PTPRC: variants seen among roughly 807,000 people sequenced by gnomAD.
PTPRC encodes the protein protein tyrosine phosphatase receptor type C.
In PTPRC, 44 loss-of-function variants were observed where a neutral mutation model predicts 155.9. That is an observed-to-expected ratio of 0.28 (90% CI 0.22 to 0.36). The LOEUF is 0.36. PTPRC is among the 10% of genes least tolerant of loss of function. PTPRC has a pLI of 1.00. For synonymous variants in PTPRC, 525 were observed against 533.1 expected (o/e 0.98, Z 0.21); for missense variants, 1,401 against 1,564.6 (o/e 0.90, Z 1.76).
rs555845592 is a variant in PTPRC at position 198,671,646 on chromosome 1, T to C, written c.74-20701T>C. Among the ~76,000 whole-genome samples, 9 of 152,324 alleles carry C rather than the reference T, an allele frequency of 5.9e-5. No homozygotes were observed. In the South Asian group the frequency reaches 1.9e-3, roughly 32 times the overall value. On this transcript the variant is annotated intron_variant, in intron 2 of 32. Coordinates refer to ENST00000442510, the MANE Select transcript of PTPRC (RefSeq NM_002838.5). ...TTTCTCCAACTATGCACTAGACACT[T>C]CCAACTAGTATCCCACTGGTATCTC...
At chr1:198,750,859 A>C (rs6413512) in intron 29 of PTPRC, among the ~76,000 whole-genome samples, 18 of 151,996 alleles carry the variant, frequency 1.2e-4, no homozygotes, top group Non-Finnish European at 1.8e-4. Flanking sequence ...CTCACAGATT[A>C]GCCAGGATGC....
intron 23 of PTPRC, among the ~76,000 whole-genome samples, chr1:198,738,755 T>C (rs1571883792): frequency 6.6e-6 from 1 of 151,786 alleles, no homozygotes; most frequent in East Asian, 1.9e-4. Flanking sequence ...TTTGGTAAAA[T>C]GTGGTAGTGA....
At chr1:198,730,830 C>A (rs1410361401) in intron 17 of PTPRC, among the ~76,000 whole-genome samples, 1 of 151,938 alleles carries the variant, frequency 6.6e-6, no homozygotes, top group Non-Finnish European at 1.5e-5. Flanking sequence ...TTTCCATGGG[C>A]AATAAGATAA....
At chr1:198,641,673 T>C (rs1197039465) in intron 2 of PTPRC, among the ~76,000 whole-genome samples, 3 of 151,982 alleles carry the variant, frequency 2.0e-5, no homozygotes, top group African/African-American at 4.8e-5. Flanking sequence ...TAGGGGACAA[T>C]GATGGTTTTA....
At chr1:198,726,746 T>C (rs990373827) in intron 15 of PTPRC, among the ~76,000 whole-genome samples, 3 of 152,170 alleles carry the variant, frequency 2.0e-5, no homozygotes, top group Non-Finnish European at 2.9e-5. Context: ...CCACTTGCCA[T>C]ACAGAAAATA....
chr1:198,666,476 T>C (rs1664314173), intron 2 of PTPRC, among the ~76,000 whole-genome samples: 3 of 152,036 alleles, frequency 2.0e-5, no homozygotes, highest in Non-Finnish European at 4.4e-5. Flanking sequence ...AATAAAGAAA[T>C]AATAAAAGCA....
chr1:198,694,939 G>GTTTGATGGA lies in PTPRC; in HGVS notation c.101-1769_101-1761dup, dbSNP rs1271928073. 6 of 981,100 alleles carry GTTTGATGGA rather than the reference G, an allele frequency of 6.1e-6. No homozygotes were observed. In the African/African-American group the frequency reaches 8.8e-5, roughly 14 times the overall value. The allele number at this position is 981,100 out of a possible 1,614,324, so 60.8% of individuals were successfully genotyped here. ...TGCTGGCATGTCATTATGGGTAAAAGTTTGATGGATTTATTTGTGAGTTAT... is the reference window on the plus strand; with the variant it reads ...TGCTGGCATGTCATTATGGGTAAAAGTTTGATGGATTTGATGGATTTATTTGTGAGTTAT... On this transcript the variant is annotated intron_variant, in intron 3 of 32. Transcript: ENST00000442510.
intron 21 of PTPRC, 23 bp from the exon 22 acceptor site, chr1:198,734,305 G>A (rs755169731): frequency 3.7e-6 from 6 of 1,610,340 alleles, no homozygotes; most frequent in East Asian, 2.2e-5. Flanking sequence ...TTTCTTATCA[G>A]CTTTTATTTG....
At chr1:198,716,097 T>C (rs955088915) in intron 12 of PTPRC, among the ~76,000 whole-genome samples, 1 of 152,188 alleles carries the variant, frequency 6.6e-6, no homozygotes, top group Non-Finnish European at 1.5e-5. Context: ...CTCCCTTACA[T>C]GTATTCAGTT....
At chr1:198,713,165 C>T in intron 12 of PTPRC, 93 bp downstream of exon 12, 1 of 1,565,578 alleles carries the variant, frequency 6.4e-7, no homozygotes, top group Non-Finnish European at 8.8e-7. Flanking sequence ...TCACAAAGCT[C>T]TCTGCTTAGA....
intron 23 of PTPRC, among the ~76,000 whole-genome samples, chr1:198,740,788 C>G (rs1654865223): frequency 6.6e-6 from 1 of 151,808 alleles, no homozygotes; most frequent in Non-Finnish European, 1.5e-5. Flanking sequence ...TACATGCAAC[C>G]TATCAAGATT....
chr1:198,755,802 A>G (rs1158503310), intron 32 of PTPRC, 104 bp from the exon 33 acceptor site: 30 of 1,259,940 alleles, frequency 2.4e-5, no homozygotes, highest in Non-Finnish European at 3.2e-5. Flanking sequence ...TCTGTCATCC[A>G]ATACTTCCAC....
chr1:198,749,690 T>C (rs1655294905), intron 28 of PTPRC, 141 bp downstream of exon 28: 5 of 776,486 alleles, frequency 6.4e-6, no homozygotes, highest in Admixed American at 2.5e-5. Context: ...AGAGTTTCAA[T>C]TTCAATGCTA....
intron 2 of PTPRC, among the ~76,000 whole-genome samples, chr1:198,690,513 CAAGA>C (rs1665869028): frequency 6.6e-6 from 1 of 151,368 alleles, no homozygotes. Context: ...AATGAGAAAA[CAAGA>C]AAGTCATTAT....
chr1:198,718,473 T>C (rs1653712761), intron 14 of PTPRC, among the ~76,000 whole-genome samples, 171 bp downstream of exon 14: 1 of 152,242 alleles, frequency 6.6e-6, no homozygotes. Flanking sequence ...TTTATTCCTA[T>C]AGCTCAAGTC....
intron 2 of PTPRC, among the ~76,000 whole-genome samples, chr1:198,678,824 TC>T (rs150806965): frequency 0.04 from 6,068 of 151,812 alleles, 383 homozygotes; most frequent in African/African-American, 0.13. Context: ...GGTCTTTTTT[TC>T]CCCCCCAGTT....
intron 2 of PTPRC, among the ~76,000 whole-genome samples, chr1:198,654,620 T>C (rs1287128835): frequency 6.6e-6 from 1 of 151,716 alleles, no homozygotes; most frequent in Non-Finnish European, 1.5e-5. Flanking sequence ...GGCCCCTCCC[T>C]CCCCTTAAAT....
Position 198,720,146 on chromosome 1 carries a change from A to T in PTPRC, c.1659+1844A>T, listed in dbSNP as rs35129801. The stretch of plus-strand genomic sequence containing the variant: ...TTCTCTCAGAGTATTATTGAAATCA[A>T]CAGCCTATTATTGTCTTTATTAGTA... On this transcript the variant is annotated intron_variant, in intron 14 of 32. Coordinates refer to ENST00000442510, the MANE Select transcript of PTPRC (RefSeq NM_002838.5). Among the ~76,000 whole-genome samples the T allele has an allele frequency of 7.2e-5, 11 of 152,264 alleles. No individual in the cohort carries two copies. The South Asian group carries it at 2.1e-3, about 29-fold the overall frequency.
chr1:198,694,899 G>C (rs538558098), intron 3 of PTPRC: 1 of 968,636 alleles, frequency 1.0e-6, no homozygotes, highest in African/African-American at 1.8e-5. Flanking sequence ...TCCTATTACT[G>C]TACTTAGTTG....
Sources: gnomAD v4.1 joint callset for allele counts (sites outside exome capture counted in the v4.1 genomes callset) on GRCh38, gnomAD v4.1.1 for gene constraint, MANE v1.5 for transcripts, NCBI Gene and HGNC (gene_info 2026-07-23, HGNC 2026-07-21) for gene names.